Variants in CNTN1 observed in about 807,000 individuals in gnomAD.
CNTN1 encodes contactin-1.
A neutral mutation model predicts 126.4 loss-of-function variants in CNTN1; 38 were observed. The ratio of observed to expected loss-of-function variants is 0.30; its 90% CI spans 0.23 to 0.39. CNTN1 has a LOEUF of 0.39. Among genes scored for constraint, CNTN1 ranks in the 10% least tolerant of loss-of-function variants. CNTN1 has a pLI of 1.00. For synonymous variants in CNTN1, 413 were observed against 422.6 expected, an observed-to-expected ratio of 0.98 and a Z score of 0.28; for missense variants, 1,009 against 1,248.4, an observed-to-expected ratio of 0.81 and a Z score of 2.89.
intron 17 of CNTN1, among the ~76,000 whole-genome samples, chr12:41,005,967 A>T (rs1948482279): frequency 6.6e-6 from 1 of 152,168 alleles, no homozygotes; most frequent in Admixed American, 6.5e-5. Flanking sequence ...TGGAGAGGTG[A>T]TTCCATCATT....
chr12:40,757,709 G>A (rs1938667334), intron 1 of CNTN1, among the ~76,000 whole-genome samples: 1 of 152,042 alleles, frequency 6.6e-6, no homozygotes, highest in Admixed American at 6.6e-5. Context: ...CATTCTTTCA[G>A]AATTCTTTGC....
intron 1 of CNTN1, among the ~76,000 whole-genome samples, chr12:40,854,350 T>C (rs755555163): frequency 3.0e-4 from 45 of 152,134 alleles, no homozygotes; most frequent in Admixed American, 5.9e-4. Flanking sequence ...TTATTTTGAA[T>C]CCTGAAGAAT....
At chr12:40,981,150 A>C (rs1947808665) in intron 16 of CNTN1, 83 bp downstream of exon 16, 1 of 1,384,168 alleles carries the variant, frequency 7.2e-7, no homozygotes, top group Non-Finnish European at 1.0e-6. Context: ...AGGTTTTAAA[A>C]ATGTCATTAT....
At chr12:40,934,848 T>A (rs1946025445) in intron 9 of CNTN1, among the ~76,000 whole-genome samples, 1 of 152,066 alleles carries the variant, frequency 6.6e-6, no homozygotes, top group African/African-American at 2.4e-5. Flanking sequence ...AAGCTAATGA[T>A]CAATTCTCAG....
At chr12:40,717,400 G>A (rs1942076402) in intron 1 of CNTN1, among the ~76,000 whole-genome samples, 1 of 152,058 alleles carries the variant, frequency 6.6e-6, no homozygotes, top group Non-Finnish European at 1.5e-5. Context: ...CACATAAAGG[G>A]CTTTGAAGAA....
intron 23 of CNTN1, among the ~76,000 whole-genome samples, chr12:41,056,768 T>A (rs1029599416): frequency 6.6e-6 from 1 of 151,438 alleles, no homozygotes; most frequent in Non-Finnish European, 1.5e-5. Flanking sequence ...GGAAAATTCA[T>A]CTGACTCAGT....
At position 41,002,749 on chromosome 12, in the gene CNTN1, G is replaced by A. The variant is rs182053905; in HGVS notation, c.2113+9480G>A. ...ATTCTTTGTATTTTTAGTAGAGATG[G>A]GGTTTCACCATGTTAGCCAGTGTGG... On this transcript the variant is annotated intron_variant, in intron 17 of 23. Coordinates refer to ENST00000551295, the MANE Select transcript of CNTN1 (RefSeq NM_001843.4). Among the ~76,000 whole-genome samples, 975 of 151,832 alleles carry A rather than the reference G, an allele frequency of 6.4e-3. 3 individuals are homozygous for A. Among genetic ancestry groups the A allele is most frequent in the Non-Finnish European group, 8.5e-3 (577 of 67,938 alleles).
intron 19 of CNTN1, among the ~76,000 whole-genome samples, chr12:41,018,646 A>C (rs1948835876): frequency 6.6e-6 from 1 of 150,890 alleles, no homozygotes; most frequent in African/African-American, 2.4e-5. Context: ...TTATATATAT[A>C]CTTTTTACTA....
rs562514048 is a variant in CNTN1, at chr12:40,796,872, G to A, written c.-77+104280G>A. The stretch of plus-strand genomic sequence containing the variant: ...TAACAATGAGGACAAAGCTTGGCAA[G>A]CCAAGGAGACAAAAGTCCTGGGACA... On this transcript the variant is annotated intron_variant, in intron 1 of 23. Coordinates refer to ENST00000551295, the MANE Select transcript of CNTN1 (RefSeq NM_001843.4). 8.5e-5 allele frequency among the ~76,000 whole-genome samples: 13 copies of A among 152,190 alleles called. 1 individual carries two copies. Among genetic ancestry groups the A allele is most frequent in the African/African-American group, 3.1e-4 (13 of 41,558 alleles).
intron 1 of CNTN1, among the ~76,000 whole-genome samples, chr12:40,696,428 G>T (rs1274629934): frequency 6.6e-6 from 1 of 152,170 alleles, no homozygotes; most frequent in African/African-American, 2.4e-5. Flanking sequence ...TCCATGCCTG[G>T]ATGAGTCCAG....
chr12:40,951,712 ATT>A (rs747062390), intron 14 of CNTN1, among the ~76,000 whole-genome samples: 14 of 84,830 alleles, frequency 1.7e-4, no homozygotes, highest in South Asian at 7.9e-4. Flanking sequence ...TTGTCTCAAA[ATT>A]TAAAAAAAAA....
intron 1 of CNTN1, among the ~76,000 whole-genome samples, chr12:40,879,402 C>T (rs1247527610): frequency 1.3e-5 from 2 of 152,110 alleles, no homozygotes; most frequent in South Asian, 2.1e-4. Flanking sequence ...AAGAAAACAA[C>T]AAAGATCCTG....
chr12:41,000,015 TTTTG>T (rs1948318391), intron 17 of CNTN1, among the ~76,000 whole-genome samples: 1 of 152,144 alleles, frequency 6.6e-6, no homozygotes, highest in Non-Finnish European at 1.5e-5. Context: ...TATTCTGTGC[TTTTG>T]TTTATGTCCC....
chr12:40,766,407 G>A (rs911015604), intron 1 of CNTN1, among the ~76,000 whole-genome samples: 1 of 149,882 alleles, frequency 6.7e-6, no homozygotes, highest in Admixed American at 6.6e-5. Flanking sequence ...CATTTCAAAA[G>A]CATTGAAGAA....
At chr12:40,966,831 A>G (rs556711738) in intron 15 of CNTN1, among the ~76,000 whole-genome samples, 3 of 152,184 alleles carry the variant, frequency 2.0e-5, no homozygotes, top group Non-Finnish European at 4.4e-5. Flanking sequence ...AACTTAAAAT[A>G]TAAGGATAAG....
intron 1 of CNTN1, among the ~76,000 whole-genome samples, chr12:40,883,416 C>CA (rs1447703822): frequency 6.6e-6 from 1 of 151,578 alleles, no homozygotes; most frequent in Admixed American, 6.6e-5. Flanking sequence ...GCATAAGCGT[C>CA]ATAATATTTC....
At chr12:41,012,370 C>T (rs939641837) in intron 17 of CNTN1, among the ~76,000 whole-genome samples, 4 of 152,180 alleles carry the variant, frequency 2.6e-5, no homozygotes, top group Non-Finnish European at 5.9e-5. Flanking sequence ...CTTCCCTGAA[C>T]CATAAATCTT....
At chr12:40,959,055 A>C in intron 14 of CNTN1, 59 bp from the exon 15 acceptor site, 1 of 1,607,652 alleles carries the variant, frequency 6.2e-7, no homozygotes, top group South Asian at 1.1e-5. Context: ...TTGGATCTTA[A>C]ATGCCACATA....
chr12:40,798,201 A>G (rs12228276), intron 1 of CNTN1, among the ~76,000 whole-genome samples: 1 of 152,138 alleles, frequency 6.6e-6, no homozygotes, highest in East Asian at 1.9e-4. Context: ...CTGCAAATGA[A>G]TGGACAGAGA....
Sources: gnomAD v4.1 joint callset for allele counts (sites outside exome capture counted in the v4.1 genomes callset) on GRCh38, gnomAD v4.1.1 for gene constraint, MANE v1.5 for transcripts, NCBI Gene and HGNC (gene_info 2026-07-23, HGNC 2026-07-21) for gene names.